Variants in SYNDIG1 observed in about 807,000 individuals in gnomAD.
SYNDIG1 encodes the protein synapse differentiation-inducing gene protein 1.
A neutral mutation model predicts 19.4 loss-of-function variants in SYNDIG1; 9 were observed. That is an observed-to-expected ratio of 0.46 (90% confidence interval 0.28 to 0.81). The LOEUF is 0.81. Ranked by LOEUF, SYNDIG1 falls within the 30% of genes least tolerant of loss-of-function variation. The pLI is 0.12. For synonymous variants in SYNDIG1, 141 were observed against 145.9 expected (o/e 0.97, Z 0.24); for missense variants, 311 against 343.3 (o/e 0.91, Z 0.74).
intron 1 of SYNDIG1, among the ~76,000 whole-genome samples, chr20:24,474,247 A>G (rs1267972943): frequency 6.6e-6 from 1 of 152,216 alleles, no homozygotes; most frequent in Non-Finnish European, 1.5e-5. Flanking sequence ...TCCATTTATA[A>G]TATGTGATGA....
At chr20:24,539,580 T>C (rs190253333) in intron 1 of SYNDIG1, among the ~76,000 whole-genome samples, 24 of 152,290 alleles carry the variant, frequency 1.6e-4, no homozygotes, top group Middle Eastern at 3.4e-3. Context: ...AGATTCCATA[T>C]GAATGTTAGA....
At chr20:24,475,699 A>G (rs1490604786) in intron 1 of SYNDIG1, among the ~76,000 whole-genome samples, 1 of 152,182 alleles carries the variant, frequency 6.6e-6, no homozygotes, top group African/African-American at 2.4e-5. Context: ...TGCACAGGGC[A>G]GTCCCACCAA....
At chr20:24,578,920 A>G (rs1251117196) in intron 2 of SYNDIG1, among the ~76,000 whole-genome samples, 1 of 152,232 alleles carries the variant, frequency 6.6e-6, no homozygotes, top group Non-Finnish European at 1.5e-5. Flanking sequence ...TGGAGTTCCC[A>G]GGAGGTATTC....
At chr20:24,535,317 A>C (rs1252853352) in intron 1 of SYNDIG1, among the ~76,000 whole-genome samples, 1 of 152,244 alleles carries the variant, frequency 6.6e-6, no homozygotes, top group African/African-American at 2.4e-5. Context: ...TCCAAACCTC[A>C]TCACTAAATG....
intron 1 of SYNDIG1, among the ~76,000 whole-genome samples, chr20:24,523,875 TA>T (rs1434628773): frequency 6.6e-6 from 1 of 152,230 alleles, no homozygotes; most frequent in Non-Finnish European, 1.5e-5. Context: ...GTGTTTGTTA[TA>T]AATGGGACAG....
At chr20:24,552,512 G>GAACAA (rs1396636893) in intron 2 of SYNDIG1, among the ~76,000 whole-genome samples, 1 of 151,768 alleles carries the variant, frequency 6.6e-6, no homozygotes, top group Non-Finnish European at 1.5e-5. Context: ...CTGTGTCCAT[G>GAACAA]TGTTCTCATT....
intron 2 of SYNDIG1, among the ~76,000 whole-genome samples, chr20:24,570,770 C>T (rs1047363787): frequency 1.3e-5 from 2 of 152,224 alleles, no homozygotes; most frequent in African/African-American, 4.8e-5. Flanking sequence ...ACCCAGCAAT[C>T]CTACTCCAAG....
rs551359529 is a variant in SYNDIG1, at chr20:24,567,392, T to A, written c.481-17464T>A. 3.8e-4 allele frequency among the ~76,000 whole-genome samples: 58 copies of A among 152,182 alleles called. 2 individuals are homozygous for A. In the South Asian group the frequency reaches 0.012, roughly 31 times the overall value. On this transcript the variant is annotated intron_variant, in intron 2 of 3. Coordinates refer to ENST00000376862, the MANE Select transcript of SYNDIG1 (RefSeq NM_024893.3). ...GCTGTCTCATTTTAAGGATGGCCCA[T>A]CCAGTGAAGACAACTCTCACACCTG...
intron 3 of SYNDIG1, among the ~76,000 whole-genome samples, chr20:24,663,000 G>A (rs1422178625): frequency 1.3e-5 from 2 of 152,218 alleles, no homozygotes; most frequent in African/African-American, 4.8e-5. Flanking sequence ...TTTGCACCCT[G>A]CCAAAGGAAT....
intron 3 of SYNDIG1, among the ~76,000 whole-genome samples, chr20:24,596,413 C>G (rs1431985701): frequency 1.3e-5 from 2 of 151,978 alleles, no homozygotes; most frequent in South Asian, 2.1e-4. Flanking sequence ...GAGTCTCACT[C>G]TGTCACCCAG....
intron 2 of SYNDIG1, among the ~76,000 whole-genome samples, chr20:24,556,247 G>A (rs1470441454): frequency 6.6e-6 from 1 of 152,122 alleles, no homozygotes; most frequent in Non-Finnish European, 1.5e-5. Flanking sequence ...GATGGGTCTT[G>A]ACTCTTTATC....
intron 1 of SYNDIG1, among the ~76,000 whole-genome samples, chr20:24,509,950 G>C (rs1247782778): frequency 6.6e-6 from 1 of 152,092 alleles, no homozygotes; most frequent in Admixed American, 6.6e-5. Flanking sequence ...TCACCATAAT[G>C]AGTGAGTTCT....
chr20:24,517,950 C>T (rs1367223435), intron 1 of SYNDIG1, among the ~76,000 whole-genome samples: 1 of 151,230 alleles, frequency 6.6e-6, no homozygotes, highest in Non-Finnish European at 1.5e-5. Flanking sequence ...GGACAACAGG[C>T]GCCCGCCAAC....
intron 2 of SYNDIG1, among the ~76,000 whole-genome samples, chr20:24,571,473 G>A (rs1475800740): frequency 1.3e-5 from 2 of 151,946 alleles, no homozygotes; most frequent in Non-Finnish European, 2.9e-5. Flanking sequence ...ATTTCAAAGT[G>A]CATATATATA....
intron 2 of SYNDIG1, among the ~76,000 whole-genome samples, chr20:24,545,775 A>G (rs2057564396): frequency 6.6e-6 from 1 of 152,190 alleles, no homozygotes; most frequent in Admixed American, 6.5e-5. Flanking sequence ...CTAGCAGCAG[A>G]AGTGGAAGCC....
chr20:24,623,375 G>A (rs1295498065), intron 3 of SYNDIG1, among the ~76,000 whole-genome samples: 2 of 152,070 alleles, frequency 1.3e-5, no homozygotes, highest in Non-Finnish European at 2.9e-5. Flanking sequence ...TTGCCAGCAG[G>A]TCTGAAGTCT....
chr20:24,643,973 A>G (rs777414010), intron 3 of SYNDIG1, among the ~76,000 whole-genome samples: 137 of 152,392 alleles, frequency 9.0e-4, no homozygotes, highest in Non-Finnish European at 1.6e-3. Flanking sequence ...AGCCTTAGCA[A>G]TAATTAGCTT....
At chr20:24,563,456 T>C (rs1222800955) in intron 2 of SYNDIG1, among the ~76,000 whole-genome samples, 1 of 152,210 alleles carries the variant, frequency 6.6e-6, no homozygotes, top group Non-Finnish European at 1.5e-5. Context: ...TCACTAGATC[T>C]GGAGGATGAG....
At chr20:24,514,821 C>T (rs537202353) in intron 1 of SYNDIG1, among the ~76,000 whole-genome samples, 3 of 152,352 alleles carry the variant, frequency 2.0e-5, no homozygotes, top group African/African-American at 7.2e-5. Flanking sequence ...ACAGAATACA[C>T]ATTCTTCTCA....
Sources: allele counts gnomAD v4.1 joint callset (sites outside exome capture counted in the v4.1 genomes callset), GRCh38; gene constraint gnomAD v4.1.1; transcripts MANE v1.5; gene names NCBI Gene and HGNC (gene_info 2026-07-23, HGNC 2026-07-21).